The following KPNA3 variants were observed in gnomAD, a reference collection of about 807,000 sequenced individuals.
The protein encoded by KPNA3 is importin subunit alpha-4.
KPNA3 carries 13 observed loss-of-function variants against 73.8 expected under a neutral mutation model. The ratio of observed to expected loss-of-function variants is 0.18; its 90% CI spans 0.11 to 0.28. The LOEUF (loss-of-function observed/expected upper bound fraction) is 0.28, where lower values mean the gene tolerates loss of function less well. KPNA3 is among the 10% of genes least tolerant of loss of function. The pLI is 1.00. For synonymous variants in KPNA3, 186 were observed against 206.9 expected (o/e 0.90, Z 0.87); for missense variants, 360 against 618.1 (o/e 0.58, Z 4.43).
chr13:49,722,049 G>A lies in KPNA3; in HGVS notation c.632C>T (p.Ser211Phe). The A allele has an allele frequency of 1.2e-6, 2 of 1,612,236 alleles. No individual in the cohort carries two copies. The highest frequency in any genetic ancestry group is 1.7e-6 in the Non-Finnish European group (2 of 1,178,700). Residue 211 changes from serine to phenylalanine, a missense_variant, in exon 9 of 17, where the codon TCC (serine) becomes TTC (phenylalanine). By Grantham distance (155) the Ser-to-Phe change is radical (BLOSUM62 -2). This residue lies in a region of KPNA3 where 287 missense variants were observed against 549.1 expected (regional missense o/e 0.52). Coordinates refer to ENST00000261667, the MANE Select transcript of KPNA3 (RefSeq NM_002267.4). ...GTTCCGAAGGAAGGTGATGGGGATG[G>A]AGGGACTGATGAAGGACAGAAGAGG... is the stretch of plus-strand genomic sequence containing the variant. ...VKPLLSFISP[S>F]IPITFLRNVT...
chr13:49,768,448 T>C (rs1485123719), intron 1 of KPNA3, among the ~76,000 whole-genome samples: 5 of 152,130 alleles, frequency 3.3e-5, no homozygotes, highest in Non-Finnish European at 7.4e-5. Flanking sequence ...TCAATTTAAA[T>C]GTATCATAAT....
At chr13:49,782,605 GCGGTGGCTC>G (rs1954949793) in intron 1 of KPNA3, among the ~76,000 whole-genome samples, 5 of 152,100 alleles carry the variant, frequency 3.3e-5, no homozygotes, top group Non-Finnish European at 7.4e-5. Context: ...TAGGCTGCGC[GCGGTGGCTC>G]ATGCCTGTAA....
intron 9 of KPNA3, 46 bp from the exon 10 acceptor site, chr13:49,719,865 G>A (rs1954339061): frequency 1.6e-6 from 2 of 1,267,684 alleles, no homozygotes; most frequent in South Asian, 2.5e-5. Flanking sequence ...TAATTAATAT[G>A]TCTGTAAAAA....
chr13:49,780,638 G>A (rs762819353), intron 1 of KPNA3, among the ~76,000 whole-genome samples: 2 of 151,482 alleles, frequency 1.3e-5, no homozygotes, highest in African/African-American at 4.9e-5. Context: ...GTTCCCCAGC[G>A]AAAAGGTTTT....
chr13:49,788,521 C>T (rs372044187), intron 1 of KPNA3, among the ~76,000 whole-genome samples: 3 of 152,012 alleles, frequency 2.0e-5, no homozygotes, highest in Non-Finnish European at 4.4e-5. Flanking sequence ...CAGTTTGAAA[C>T]CAGCCTGGGC....
At chr13:49,727,756 T>TC (rs1954423852) in intron 6 of KPNA3, among the ~76,000 whole-genome samples, 1 of 152,134 alleles carries the variant, frequency 6.6e-6, no homozygotes, top group Non-Finnish European at 1.5e-5. Context: ...AAGGGGTAAG[T>TC]CATCAATCTG....
intron 2 of KPNA3, among the ~76,000 whole-genome samples, chr13:49,736,197 A>C (rs1396817346): frequency 1.3e-5 from 2 of 152,130 alleles, no homozygotes; most frequent in East Asian, 3.8e-4. Context: ...AAATGCTTTT[A>C]ATGAGGTAGG....
intron 10 of KPNA3, among the ~76,000 whole-genome samples, chr13:49,712,283 T>C (rs1954266915): frequency 6.6e-6 from 1 of 152,216 alleles, no homozygotes; most frequent in Non-Finnish European, 1.5e-5. Context: ...GATGCCAATA[T>C]TGAGATGACA....
At chr13:49,773,556 T>C (rs1488364471) in intron 1 of KPNA3, among the ~76,000 whole-genome samples, 1 of 152,112 alleles carries the variant, frequency 6.6e-6, no homozygotes, top group Non-Finnish European at 1.5e-5. Flanking sequence ...TTAAAAAAAA[T>C]TGTAAGCAGT....
Position 49,706,380 on chromosome 13 carries a change from T to C in KPNA3, c.1033-8A>G, listed in dbSNP as rs1246021951. The C allele has an allele frequency of 6.2e-7, 1 of 1,600,046 alleles. No homozygotes were observed. The highest frequency in any genetic ancestry group is 8.6e-7 in the Non-Finnish European group (1 of 1,167,824). ...AAGGAACCACACTGCTTCCTATAAT[T>C]GAACAAAATATAGGGCACCTTTATT... On this transcript the variant is annotated splice_polypyrimidine_tract_variant and splice_region_variant and intron_variant, in intron 12 of 16. Coordinates refer to ENST00000261667, the MANE Select transcript of KPNA3 (RefSeq NM_002267.4).
In KPNA3 at chr13:49,701,851, G is replaced by T. The variant is rs147153406; in HGVS notation, c.1515C>A (p.Thr505=). The change falls in exon 17 of 17, where the codon ACC becomes ACA. Residue 505 remains threonine, a synonymous_variant. Coordinates refer to ENST00000261667, the MANE Select transcript of KPNA3 (RefSeq NM_002267.4). ...CLIPEATQGG[T]YNFDPTANLQ... ...GGTTGGCTGTTGGATCAAAATTGTA[G>T]GTACCTCCTTGTGTTGCTTCAGGAA... 4.3e-6 allele frequency: 7 copies of T among 1,613,530 alleles called. No homozygotes were observed. Among genetic ancestry groups the T allele is most frequent in the Middle Eastern group, 3.3e-4 (2 of 6,078 alleles).
rs115570540 is a variant in KPNA3 at position 49,720,939 on chromosome 13, G to A, written c.726+1016C>T. ...GTCAGTAATAAATTGGAGTTAGGCC[G>A]TGGGGGCAGTGGCTCACACCTGTAA... On this transcript the variant is annotated intron_variant, in intron 9 of 16. Coordinates refer to ENST00000261667, the MANE Select transcript of KPNA3 (RefSeq NM_002267.4). Among the ~76,000 whole-genome samples, 1,203 of 152,130 alleles carry A rather than the reference G, an allele frequency of 7.9e-3. 15 individuals carry two copies. Among genetic ancestry groups the A allele is most frequent in the African/African-American group, 0.027 (1,128 of 41,496 alleles).
Position 49,770,019 on chromosome 13 carries a change from C to T in KPNA3, c.69+22419G>A, listed in dbSNP as rs141816788. On this transcript the variant is annotated intron_variant, in intron 1 of 16. Transcript: ENST00000261667. Reference sequence around the variant, plus strand: ...AGCATCTTTTCATGTGTTTGTTGGTCATTTGTATGCCTCCTTCAGGGAACT... The same window carrying T: ...AGCATCTTTTCATGTGTTTGTTGGTTATTTGTATGCCTCCTTCAGGGAACT... 4.2e-3 allele frequency among the ~76,000 whole-genome samples: 642 copies of T among 152,148 alleles called. 2 individuals carry two copies. The highest frequency in any genetic ancestry group is 7.7e-3 in the Non-Finnish European group (522 of 67,988).
intron 2 of KPNA3, among the ~76,000 whole-genome samples, chr13:49,742,160 T>C (rs1461548153): frequency 6.6e-6 from 1 of 152,208 alleles, no homozygotes; most frequent in East Asian, 1.9e-4. Context: ...TCCTTTCCTG[T>C]GGCATGTTCT....
intron 2 of KPNA3, among the ~76,000 whole-genome samples, chr13:49,740,696 A>G (rs1954565860): frequency 1.3e-5 from 2 of 152,172 alleles, no homozygotes; most frequent in Non-Finnish European, 1.5e-5. Context: ...TGTCTTTATC[A>G]GCAACGTGAA....
intron 6 of KPNA3, among the ~76,000 whole-genome samples, chr13:49,731,805 T>C (rs1230745730): frequency 1.3e-5 from 2 of 152,154 alleles, no homozygotes; most frequent in Admixed American, 1.3e-4. Flanking sequence ...TCAAAAGATA[T>C]CCAGTGGAGT....
At chr13:49,725,681 T>A (rs1371979119) in intron 6 of KPNA3, among the ~76,000 whole-genome samples, 180 bp from the exon 7 acceptor site, 1 of 151,356 alleles carries the variant, frequency 6.6e-6, no homozygotes, top group Non-Finnish European at 1.5e-5. Context: ...TCTCCCTCCA[T>A]CACCCAGGCG....
chr13:49,758,989 T>C (rs1393300511), intron 1 of KPNA3, among the ~76,000 whole-genome samples: 2 of 152,122 alleles, frequency 1.3e-5, no homozygotes, highest in African/African-American at 4.8e-5. Context: ...TATCTTAACA[T>C]ACCAAATATC....
chr13:49,749,327 A>T lies in KPNA3; in HGVS notation c.70-2334T>A, dbSNP rs1954643244. Among the ~76,000 whole-genome samples, 2 of 152,238 alleles carry T rather than the reference A, an allele frequency of 1.3e-5. 1 individual carries two copies. Among genetic ancestry groups the T allele is most frequent in the South Asian group, 4.1e-4 (2 of 4,834 alleles). On this transcript the variant is annotated intron_variant, in intron 1 of 16. Coordinates refer to ENST00000261667, the MANE Select transcript of KPNA3 (RefSeq NM_002267.4). ...CGAATATGAACATCTCAATTTATAGACACTGGTTTGATACTCTGCATAAGG... is the reference window on the plus strand; with the variant it reads ...CGAATATGAACATCTCAATTTATAGTCACTGGTTTGATACTCTGCATAAGG...
Sources: gnomAD v4.1 joint callset for allele counts (sites outside exome capture counted in the v4.1 genomes callset) on GRCh38, gnomAD v4.1.1 for gene constraint, gnomAD v4.1.1 regional missense constraint, MANE v1.5 for transcripts, NCBI Gene and HGNC (gene_info 2026-07-23, HGNC 2026-07-21) for gene names.